The following ADCY2 variants were observed in gnomAD, a reference collection of about 807,000 sequenced individuals.
ADCY2 encodes the protein adenylate cyclase 2, also known as adenylate cyclase type 2.
Under a neutral mutation model 125.2 loss-of-function variants are expected in ADCY2, and 31 were observed. That is an observed-to-expected ratio of 0.25 (90% CI 0.19 to 0.33). The LOEUF (loss-of-function observed/expected upper bound fraction) is 0.33. ADCY2 is among the 10% of genes least tolerant of loss of function. The pLI, the probability that ADCY2 is intolerant of heterozygous loss-of-function variation, is 1.00. For synonymous variants in ADCY2, 512 were observed against 548.4 expected, an observed-to-expected ratio of 0.93 and a Z score of 0.93; for missense variants, 904 against 1,418.2, an observed-to-expected ratio of 0.64 and a Z score of 5.82.
intron 16 of ADCY2, among the ~76,000 whole-genome samples, chr5:7,759,737 A>C (rs1308588838): frequency 1.3e-5 from 2 of 152,214 alleles, no homozygotes; most frequent in Non-Finnish European, 1.5e-5. Flanking sequence ...AAACAGCTGA[A>C]GAGGGAAAAT....
intron 3 of ADCY2, among the ~76,000 whole-genome samples, chr5:7,567,906 C>T (rs1475230006): frequency 3.3e-5 from 5 of 149,780 alleles, no homozygotes; most frequent in Non-Finnish European, 5.9e-5. Flanking sequence ...TGAGATGCAA[C>T]AAAGTGCTCT....
chr5:7,518,181 C>A (rs1021760061), intron 2 of ADCY2, among the ~76,000 whole-genome samples: 4 of 152,110 alleles, frequency 2.6e-5, no homozygotes, highest in Non-Finnish European at 5.9e-5. Context: ...CGTTGGAGAC[C>A]TGGGAAAGGA....
intron 2 of ADCY2, among the ~76,000 whole-genome samples, chr5:7,481,761 A>G (rs560147052): frequency 2.0e-4 from 27 of 135,162 alleles, no homozygotes; most frequent in Non-Finnish European, 4.1e-4. Flanking sequence ...TTGTCTCTTC[A>G]CCATGCTGAT....
At chr5:7,428,911 C>G (rs35095505) in intron 2 of ADCY2, among the ~76,000 whole-genome samples, 9,668 of 152,116 alleles carry the variant, frequency 0.064, 385 homozygotes, top group African/African-American at 0.1. Flanking sequence ...CAAACAGAGC[C>G]CAGCTAATTG....
At chr5:7,826,179 A>C (rs1215472739) in intron 24 of ADCY2, among the ~76,000 whole-genome samples, 1 of 151,984 alleles carries the variant, frequency 6.6e-6, no homozygotes, top group Non-Finnish European at 1.5e-5. Context: ...AGACGCGACC[A>C]TTGGCAGGAG....
At chr5:7,719,063 C>T (rs1357463149) in intron 12 of ADCY2, among the ~76,000 whole-genome samples, 3 of 152,196 alleles carry the variant, frequency 2.0e-5, no homozygotes, top group Non-Finnish European at 4.4e-5. Context: ...TAACGCAGGA[C>T]ACCTATCTTT....
At chr5:7,581,361 A>G (rs1364100985) in intron 3 of ADCY2, among the ~76,000 whole-genome samples, 1 of 152,202 alleles carries the variant, frequency 6.6e-6, no homozygotes, top group Non-Finnish European at 1.5e-5. Context: ...TGGAATGAAC[A>G]CATAGAGTTC....
intron 2 of ADCY2, among the ~76,000 whole-genome samples, chr5:7,479,973 A>G (rs572755311): frequency 6.6e-6 from 1 of 152,358 alleles, no homozygotes; most frequent in East Asian, 1.9e-4. Context: ...GATACTTTTC[A>G]AAAGAAGATA....
intron 3 of ADCY2, among the ~76,000 whole-genome samples, chr5:7,548,485 AT>A (rs145866227): frequency 0.03 from 4,533 of 152,184 alleles, 233 homozygotes; most frequent in African/African-American, 0.1. Context: ...TTTGTAGCAA[AT>A]TTTTTTAGAA....
At chr5:7,648,585 A>G (rs1315996167) in intron 4 of ADCY2, among the ~76,000 whole-genome samples, 1 of 152,160 alleles carries the variant, frequency 6.6e-6, no homozygotes, top group East Asian at 1.9e-4. Context: ...TTTAAGAAAA[A>G]CTTTGCCAAG....
intron 5 of ADCY2, among the ~76,000 whole-genome samples, chr5:7,693,406 G>GTTTTTTTTTTTTT (rs139450063): frequency 7.8e-4 from 46 of 58,638 alleles, no homozygotes; most frequent in Non-Finnish European, 1.3e-3. Flanking sequence ...ATTGCCTGCT[G>GTTTTTTTTTTTTT]TTTTTTGTTT....
intron 3 of ADCY2, among the ~76,000 whole-genome samples, chr5:7,552,430 C>A (rs893593748): frequency 6.6e-6 from 1 of 152,148 alleles, no homozygotes; most frequent in African/African-American, 2.4e-5. Context: ...TTCTTTATTG[C>A]AAATCTTTTT....
At chr5:7,419,340 A>C (rs1579425551) in intron 2 of ADCY2, among the ~76,000 whole-genome samples, 1 of 152,292 alleles carries the variant, frequency 6.6e-6, no homozygotes, top group East Asian at 1.9e-4. Flanking sequence ...CACTTTGGCA[A>C]AGAGAAGAGC....
intron 4 of ADCY2, among the ~76,000 whole-genome samples, chr5:7,642,185 G>C (rs914650396): frequency 6.6e-6 from 1 of 152,072 alleles, no homozygotes; most frequent in Non-Finnish European, 1.5e-5. Flanking sequence ...ACCAGCATGT[G>C]TGTTTTTTTG....
At chr5:7,447,549 A>G (rs1741313377) in intron 2 of ADCY2, among the ~76,000 whole-genome samples, 1 of 151,910 alleles carries the variant, frequency 6.6e-6, no homozygotes, top group African/African-American at 2.4e-5. Flanking sequence ...ACCTCATGTG[A>G]TTTCTGTTTT....
intron 3 of ADCY2, among the ~76,000 whole-genome samples, chr5:7,581,370 T>C (rs1205346862): frequency 6.6e-6 from 1 of 152,246 alleles, no homozygotes; most frequent in Non-Finnish European, 1.5e-5. Flanking sequence ...CACATAGAGT[T>C]CCAGGATTCT....
chr5:7,462,014 A>G (rs561059816), intron 2 of ADCY2, among the ~76,000 whole-genome samples: 33 of 152,264 alleles, frequency 2.2e-4, no homozygotes, highest in African/African-American at 7.7e-4. Context: ...CTATGATTTG[A>G]TCTGTTGGTG....
At chr5:7,742,162 G>A (rs1023773471) in intron 14 of ADCY2, among the ~76,000 whole-genome samples, 2 of 147,032 alleles carry the variant, frequency 1.4e-5, no homozygotes, top group African/African-American at 5.0e-5. Flanking sequence ...GAGCTCCTTC[G>A]TAAAACAGAA....
At chr5:7,480,621 G>T (rs1483898056) in intron 2 of ADCY2, among the ~76,000 whole-genome samples, 1 of 152,154 alleles carries the variant, frequency 6.6e-6, no homozygotes, top group Admixed American at 6.5e-5. Context: ...AGTGGGAGAA[G>T]GGGGAGGATC....
Sources: gnomAD v4.1 joint callset for allele counts (sites outside exome capture counted in the v4.1 genomes callset) on GRCh38, gnomAD v4.1.1 for gene constraint, MANE v1.5 for transcripts, NCBI Gene and HGNC (gene_info 2026-07-23, HGNC 2026-07-21) for gene names.